The following ADCY8 variants were observed in gnomAD, a reference collection of about 807,000 sequenced individuals.
The protein encoded by ADCY8 is adenylate cyclase 8, also known as adenylate cyclase type 8.
A neutral mutation model predicts 119.7 loss-of-function variants in ADCY8; 51 were observed. The observed-to-expected ratio is 0.43, with a 90% CI of 0.34 to 0.54. The LOEUF (loss-of-function observed/expected upper bound fraction) is 0.54, where lower values mean the gene tolerates loss of function less well. ADCY8 is among the 20% of genes least tolerant of loss of function. ADCY8 has a pLI of 0.03. For synonymous variants in ADCY8, 665 were observed against 651.0 expected, an observed-to-expected ratio of 1.02 and a Z score of -0.33; for missense variants, 1,383 against 1,598.8, an observed-to-expected ratio of 0.87 and a Z score of 2.30.
intron 1 of ADCY8, among the ~76,000 whole-genome samples, chr8:131,002,825 A>C (rs1386012052): frequency 6.6e-6 from 1 of 152,190 alleles, no homozygotes; most frequent in East Asian, 1.9e-4. Flanking sequence ...AAAAACAGTC[A>C]TTTCAAATGA....
chr8:130,879,424 C>A lies in ADCY8; in HGVS notation c.2109+5140G>T, dbSNP rs116186976. ...GCCAAAATATGTACTGACAAACCTT[C>A]TACTGCAATAATAATTTTAAAAATA... is the stretch of plus-strand genomic sequence containing the variant. On this transcript the variant is annotated intron_variant, in intron 8 of 17. Coordinates refer to ENST00000286355, the MANE Select transcript of ADCY8 (RefSeq NM_001115.3). 1.6e-3 allele frequency among the ~76,000 whole-genome samples: 246 copies of A among 152,316 alleles called. 1 individual carries two copies. The highest frequency in any genetic ancestry group is 5.3e-3 in the African/African-American group (220 of 41,578).
chr8:130,923,819 T>C (rs896355531), intron 5 of ADCY8, among the ~76,000 whole-genome samples: 3 of 152,232 alleles, frequency 2.0e-5, no homozygotes, highest in Non-Finnish European at 4.4e-5. Context: ...ATTCAATCTC[T>C]TTTTTGCCAT....
chr8:130,863,616 CA>C (rs1247673357), intron 9 of ADCY8, among the ~76,000 whole-genome samples: 1 of 152,026 alleles, frequency 6.6e-6, no homozygotes, highest in Non-Finnish European at 1.5e-5. Context: ...CCTAGCATAT[CA>C]ATTATATTTC....
At chr8:130,874,835 T>C (rs900084524) in intron 8 of ADCY8, among the ~76,000 whole-genome samples, 2 of 152,138 alleles carry the variant, frequency 1.3e-5, no homozygotes, top group African/African-American at 2.4e-5. Flanking sequence ...GGAAGAACTC[T>C]TCCTTTCTTC....
At chr8:130,933,546 C>T (rs1215888964) in intron 5 of ADCY8, among the ~76,000 whole-genome samples, 2 of 152,096 alleles carry the variant, frequency 1.3e-5, no homozygotes, top group African/African-American at 4.8e-5. Flanking sequence ...AGCATGCTTT[C>T]TTGCTAACTA....
chr8:131,028,082 C>T (rs961555149), intron 1 of ADCY8, among the ~76,000 whole-genome samples: 2 of 152,208 alleles, frequency 1.3e-5, no homozygotes, highest in African/African-American at 4.8e-5. Flanking sequence ...GAATATCTAA[C>T]TGGGTCAGGA....
intron 2 of ADCY8, among the ~76,000 whole-genome samples, chr8:130,983,439 C>CCA (rs1822297669): frequency 1.3e-5 from 2 of 152,114 alleles, no homozygotes; most frequent in African/African-American, 4.8e-5. Context: ...TCCATAAAGG[C>CCA]CACACTCCAG....
At chr8:130,993,245 A>T (rs2026755) in intron 1 of ADCY8, among the ~76,000 whole-genome samples, 3,600 of 152,222 alleles carry the variant, frequency 0.024, 44 homozygotes, top group East Asian at 0.059. Context: ...GGTTTAATAC[A>T]TCAGAAATAC....
chr8:130,911,578 CTAAAT>C (rs947573206), intron 5 of ADCY8, among the ~76,000 whole-genome samples: 3 of 129,194 alleles, frequency 2.3e-5, no homozygotes, highest in Admixed American at 1.8e-4. Context: ...GCAGAAAAGT[CTAAAT>C]TAAATTGTAA....
At chr8:130,795,774 G>C (rs1815561342) in intron 15 of ADCY8, among the ~76,000 whole-genome samples, 1 of 151,742 alleles carries the variant, frequency 6.6e-6, no homozygotes, top group Non-Finnish European at 1.5e-5. Context: ...GTAGGTGCTT[G>C]GCTTTGGTGT....
At chr8:130,998,512 A>G (rs924515599) in intron 1 of ADCY8, among the ~76,000 whole-genome samples, 1 of 152,154 alleles carries the variant, frequency 6.6e-6, no homozygotes, top group South Asian at 2.1e-4. Flanking sequence ...AAAGGGCCAG[A>G]CCATGGAGGG....
chr8:130,918,818 T>C (rs2130575256), intron 5 of ADCY8, among the ~76,000 whole-genome samples: 1 of 152,320 alleles, frequency 6.6e-6, no homozygotes, highest in South Asian at 2.1e-4. Flanking sequence ...CTCAGCACTT[T>C]GGAAGGCCAA....
intron 2 of ADCY8, among the ~76,000 whole-genome samples, chr8:130,952,791 G>A (rs116213126): frequency 2.6e-5 from 4 of 152,174 alleles, no homozygotes; most frequent in Admixed American, 6.5e-5. Context: ...ACTGGCAACC[G>A]AGATGGCAGG....
At position 131,039,532 on chromosome 8, in the gene ADCY8, C is replaced by T. The variant is rs1449811232; in HGVS notation, c.802G>A (p.Gly268Ser). 2.5e-6 allele frequency: 4 copies of T among 1,613,874 alleles called. No individual in the cohort carries two copies. Among genetic ancestry groups the T allele is most frequent in the East Asian group, 4.5e-5 (2 of 44,858 alleles). ...LAAGLGYGLLGDGIGYVLFTL... is the reference protein window; with the variant it reads ...LAAGLGYGLLSDGIGYVLFTL... ...AAGAGCACGTAGCCTATGCCGTCGC[C>T]CAGGAGCCCGTAGCCGAGGCCTGCT... The change falls in exon 1 of 18, where the codon GGC becomes AGC. Residue 268 changes from glycine (G) to serine (S), a missense_variant. Coordinates refer to ENST00000286355, the MANE Select transcript of ADCY8 (RefSeq NM_001115.3).
At chr8:130,902,919 T>C (rs1819650006) in intron 7 of ADCY8, among the ~76,000 whole-genome samples, 1 of 152,036 alleles carries the variant, frequency 6.6e-6, no homozygotes, top group South Asian at 2.1e-4. Flanking sequence ...ATCATTGAAC[T>C]TATGTGAATT....
chr8:131,004,612 C>T (rs80115280), intron 1 of ADCY8, among the ~76,000 whole-genome samples: 2,993 of 152,322 alleles, frequency 0.02, 40 homozygotes, highest in Non-Finnish European at 0.031. Flanking sequence ...TTATTCATCA[C>T]GGTGCTGCTT....
intron 10 of ADCY8, among the ~76,000 whole-genome samples, chr8:130,848,259 C>T (rs1199243704): frequency 6.6e-6 from 1 of 152,172 alleles, no homozygotes; most frequent in East Asian, 1.9e-4. Context: ...CAGTTGGCCT[C>T]AGAGGTAACC....
intron 8 of ADCY8, among the ~76,000 whole-genome samples, chr8:130,870,746 G>T (rs1458540312): frequency 6.6e-6 from 1 of 152,088 alleles, no homozygotes; most frequent in Non-Finnish European, 1.5e-5. Flanking sequence ...ATCATCATTT[G>T]TCCAGACTAA....
intron 8 of ADCY8, among the ~76,000 whole-genome samples, chr8:130,869,730 G>C (rs1239395815): frequency 6.6e-6 from 1 of 151,688 alleles, no homozygotes; most frequent in African/African-American, 2.4e-5. Context: ...TGTTAGCCAG[G>C]ATGGTCTCGA....
Sources: allele counts gnomAD v4.1 joint callset (sites outside exome capture counted in the v4.1 genomes callset), GRCh38; gene constraint gnomAD v4.1.1; transcripts MANE v1.5; gene names NCBI Gene and HGNC (gene_info 2026-07-23, HGNC 2026-07-21).